Variants in EYA1 observed in about 807,000 individuals in gnomAD.
The protein encoded by EYA1 is EYA transcriptional coactivator and phosphatase 1.
A neutral mutation model predicts 82.0 loss-of-function variants in EYA1; 16 were observed. That is an observed-to-expected ratio of 0.20 (90% CI 0.13 to 0.30). The LOEUF (loss-of-function observed/expected upper bound fraction) is 0.30. Among genes scored for constraint, EYA1 ranks in the 10% least tolerant of loss-of-function variants. The pLI is 1.00. For synonymous variants in EYA1, 261 were observed against 264.4 expected (o/e 0.99, Z 0.12); for missense variants, 633 against 730.7 (o/e 0.87, Z 1.54).
rs185939728 is a variant in EYA1, at chr8:71,399,278, G to A, written c.34-42767C>T. Among the ~76,000 whole-genome samples the A allele has an allele frequency of 2.8e-4, 43 of 151,548 alleles. No individual in the cohort carries two copies. In the East Asian group the frequency reaches 8.4e-3, roughly 30 times the overall value. On this transcript the variant is annotated intron_variant, in intron 2 of 18. Transcript: ENST00000643681. Reference sequence around the variant, plus strand: ...GATGCCCTGCCCTGCTCCATGGGCTGAACCCACTGTCTGACAAGCCCCAGT... The same window carrying A: ...GATGCCCTGCCCTGCTCCATGGGCTAAACCCACTGTCTGACAAGCCCCAGT...
intron 2 of EYA1, among the ~76,000 whole-genome samples, chr8:71,470,374 A>G (rs1317597978): frequency 6.6e-6 from 1 of 152,132 alleles, no homozygotes; most frequent in Non-Finnish European, 1.5e-5. Flanking sequence ...AGTAGAAACA[A>G]TGAGGTTTCT....
intron 2 of EYA1, among the ~76,000 whole-genome samples, chr8:71,519,888 T>A (rs1035929715): frequency 6.6e-6 from 1 of 152,156 alleles, no homozygotes; most frequent in Non-Finnish European, 1.5e-5. Context: ...GACTGCAAAT[T>A]AGTTCTACTG....
intron 2 of EYA1, among the ~76,000 whole-genome samples, chr8:71,396,149 AT>A (rs1829598882): frequency 1.3e-5 from 2 of 151,730 alleles, no homozygotes; most frequent in Non-Finnish European, 2.9e-5. Flanking sequence ...CCCCTTTCTC[AT>A]TTTTTATTGT....
intron 3 of EYA1, among the ~76,000 whole-genome samples, chr8:71,349,071 A>C (rs1479623953): frequency 6.6e-6 from 1 of 152,268 alleles, no homozygotes; most frequent in Non-Finnish European, 1.5e-5. Context: ...AGAGAGGCTT[A>C]ACAATCAGAC....
intron 17 of EYA1, among the ~76,000 whole-genome samples, chr8:71,200,559 A>C (rs1339802608): frequency 6.6e-6 from 1 of 151,844 alleles, no homozygotes; most frequent in Non-Finnish European, 1.5e-5. Flanking sequence ...GTATCTGTAT[A>C]TATGTTATTG....
In EYA1 at chr8:71,199,182, C is replaced by A. The variant is rs1338658948; in HGVS notation, c.*158G>T. On this transcript the variant is annotated 3_prime_UTR_variant, in exon 18 of 18. Coordinates refer to ENST00000340726, the MANE Select transcript of EYA1 (RefSeq NM_000503.6). ...GTTCTGATGAAATAGACGTGGTCCTCCATTCACCACAAAGGCAGAGGTCAA... is the reference window on the plus strand; with the variant it reads ...GTTCTGATGAAATAGACGTGGTCCTACATTCACCACAAAGGCAGAGGTCAA... 1 of 686,094 alleles carries A rather than the reference C, an allele frequency of 1.5e-6. No individual in the cohort carries two copies. The highest frequency in any genetic ancestry group is 2.7e-5 in the East Asian group (1 of 36,826). The allele number at this position is 686,094 out of a possible 1,614,324, so 42.5% of individuals were successfully genotyped here. A position where few individuals can be genotyped will look rare whatever the true frequency, so the allele number is the denominator to read the frequency against.
chr8:71,279,839 T>C (rs1181358752), intron 9 of EYA1, among the ~76,000 whole-genome samples: 1 of 152,162 alleles, frequency 6.6e-6, no homozygotes, highest in East Asian at 1.9e-4. Context: ...TTAATTCTCC[T>C]TTTTTGTGTG....
rs530869730 is a variant in EYA1, at chr8:71,282,544, C to T, written c.827-10647G>A. ...TTCTCCGCCTTTTGCCAGCGCCACA[C>T]ACAGTTGATCATGGCTTCCTTCTGC... On this transcript the variant is annotated intron_variant, in intron 9 of 17. Transcript: ENST00000340726. Among the ~76,000 whole-genome samples the T allele has an allele frequency of 4.6e-5, 7 of 152,338 alleles. No individual in the cohort carries two copies. The South Asian group carries it at 6.2e-4, about 14-fold the overall frequency.
At chr8:71,325,193 T>C (rs761175262) in intron 4 of EYA1, among the ~76,000 whole-genome samples, 17 of 152,362 alleles carry the variant, frequency 1.1e-4, no homozygotes, top group Admixed American at 2.6e-4. Flanking sequence ...TGTACTTTTA[T>C]GTCTGATTTG....
intron 12 of EYA1, among the ~76,000 whole-genome samples, chr8:71,238,851 TTCTTA>T (rs1383845701): frequency 2.0e-5 from 3 of 152,080 alleles, no homozygotes; most frequent in Non-Finnish European, 4.4e-5. Context: ...ATAGAAGGCA[TTCTTA>T]TCTTGTTTTT....
intron 11 of EYA1, among the ~76,000 whole-genome samples, chr8:71,255,491 G>A (rs1396899774): frequency 6.6e-6 from 1 of 152,154 alleles, no homozygotes; most frequent in Non-Finnish European, 1.5e-5. Context: ...ACCATTCAAT[G>A]AGGAAATAAT....
chr8:71,304,693 TAAG>T (rs1820543057), intron 7 of EYA1, among the ~76,000 whole-genome samples: 2 of 143,156 alleles, frequency 1.4e-5, no homozygotes, highest in African/African-American at 4.9e-5. Context: ...TCTTATACAC[TAAG>T]AAAGTAATCA....
intron 2 of EYA1, among the ~76,000 whole-genome samples, chr8:71,503,658 T>G (rs917746545): frequency 6.6e-6 from 1 of 152,236 alleles, no homozygotes; most frequent in South Asian, 2.1e-4. Flanking sequence ...AATCTGATAC[T>G]AGGAATAACT....
chr8:71,269,737 C>T lies in EYA1; in HGVS notation c.1050+3G>A. On this transcript the variant is annotated splice_donor_region_variant and intron_variant, in intron 11 of 17. Coordinates refer to ENST00000340726, the MANE Select transcript of EYA1 (RefSeq NM_000503.6). Reference sequence around the variant, plus strand: ...TTAAAAACTGATGCCTCTTGGTACTCACCCTCCCATATCTGTTGGCGTAGG... The same window carrying T: ...TTAAAAACTGATGCCTCTTGGTACTTACCCTCCCATATCTGTTGGCGTAGG... 1.2e-6 allele frequency: 2 copies of T among 1,611,418 alleles called. No homozygotes were observed. Among genetic ancestry groups the T allele is most frequent in the Non-Finnish European group, 1.7e-6 (2 of 1,177,662 alleles).
intron 14 of EYA1, 114 bp from the exon 15 acceptor site, chr8:71,215,842 T>C (rs988963240): frequency 6.8e-6 from 5 of 739,934 alleles, no homozygotes; most frequent in Non-Finnish European, 1.2e-5. Context: ...ATTTATAGTA[T>C]ACAAAGTATC....
At chr8:71,456,433 G>C (rs898082354) in intron 2 of EYA1, among the ~76,000 whole-genome samples, 2 of 152,128 alleles carry the variant, frequency 1.3e-5, no homozygotes, top group African/African-American at 4.8e-5. Context: ...AACCAAAAAA[G>C]AGTCCGCATT....
intron 7 of EYA1, among the ~76,000 whole-genome samples, chr8:71,307,284 T>C (rs6472578): frequency 0.19 from 28,610 of 152,190 alleles, 2,777 homozygotes; most frequent in Admixed American, 0.25. Context: ...ATTTAACAGA[T>C]TTTATCTGAA....
At chr8:71,343,848 T>A (rs1000765823) in intron 3 of EYA1, among the ~76,000 whole-genome samples, 13 of 152,306 alleles carry the variant, frequency 8.5e-5, no homozygotes, top group African/African-American at 3.1e-4. Context: ...TTTATTTGTA[T>A]ACAGTAAAAA....
At chr8:71,305,918 A>G (rs1026329225) in intron 7 of EYA1, among the ~76,000 whole-genome samples, 2 of 152,206 alleles carry the variant, frequency 1.3e-5, no homozygotes, top group African/African-American at 2.4e-5. Context: ...TAGTTTCATT[A>G]ACAGCATCTA....
Sources: allele counts gnomAD v4.1 joint callset (sites outside exome capture counted in the v4.1 genomes callset), GRCh38; gene constraint gnomAD v4.1.1; transcripts MANE v1.5; gene names NCBI Gene and HGNC (gene_info 2026-07-23, HGNC 2026-07-21).